The following ANK2 variants were observed in gnomAD, a reference collection of about 807,000 sequenced individuals.
ANK2 encodes the protein ankyrin 2, also known as ankyrin-2.
In ANK2, 83 loss-of-function variants were observed where a neutral mutation model predicts 360.5. The observed-to-expected ratio is 0.23, with a 90% confidence interval of 0.19 to 0.28. The LOEUF (loss-of-function observed/expected upper bound fraction) is 0.28. Among genes scored for constraint, ANK2 ranks in the 10% least tolerant of loss-of-function variants. The probability of loss-of-function intolerance (pLI) is 1.00; values close to 1 mark genes in which losing one functional copy is unlikely to be tolerated. For missense variants in ANK2, 4,201 were observed against 4,795.7 expected, an observed-to-expected ratio of 0.88 and a Z score of 3.66; for synonymous variants, 1,740 against 1,759.5, an observed-to-expected ratio of 0.99 and a Z score of 0.28.
chr4:113,311,671 T>A (rs1340829278), intron 24 of ANK2, among the ~76,000 whole-genome samples: 1 of 152,140 alleles, frequency 6.6e-6, no homozygotes, highest in African/African-American at 2.4e-5. Context: ...TTCTCATCAT[T>A]TAAATGTGGC....
chr4:112,820,239 G>A (rs17045004), intron 1 of ANK2, among the ~76,000 whole-genome samples: 14,811 of 152,248 alleles, frequency 0.097, 1,037 homozygotes, highest in African/African-American at 0.2. Flanking sequence ...TAATGCAGAA[G>A]GGCTATCCAC....
intron 2 of ANK2, among the ~76,000 whole-genome samples, chr4:112,937,607 C>T (rs535078490): frequency 6.6e-6 from 1 of 152,300 alleles, no homozygotes; most frequent in East Asian, 1.9e-4. Flanking sequence ...ATATTACAGG[C>T]GTGAGCCACC....
chr4:112,740,480 G>A, the ANK2 span, among the ~76,000 whole-genome samples: 1 of 152,036 alleles, frequency 6.6e-6, no homozygotes, highest in African/African-American at 2.4e-5. Context: ...CGAGGTGGGT[G>A]AATCATGAGG....
chr4:113,064,706 C>T (rs1241303716), intron 1 of ANK2, among the ~76,000 whole-genome samples: 1 of 151,994 alleles, frequency 6.6e-6, no homozygotes, highest in South Asian at 2.1e-4. Flanking sequence ...CATGAAATGA[C>T]AGTTAATTTT....
At chr4:113,180,435 T>C (rs2098379378) in intron 2 of ANK2, among the ~76,000 whole-genome samples, 1 of 152,216 alleles carries the variant, frequency 6.6e-6, no homozygotes, top group South Asian at 2.1e-4. Flanking sequence ...TAATGTAATT[T>C]TTTTATATTG....
At chr4:112,910,789 AAG>A (rs1487393285) in intron 2 of ANK2, among the ~76,000 whole-genome samples, 1 of 152,222 alleles carries the variant, frequency 6.6e-6, no homozygotes, top group Non-Finnish European at 1.5e-5. Flanking sequence ...GACAACTATT[AAG>A]AGATTTTAGA....
chr4:112,969,631 G>T (rs1223451528), intron 2 of ANK2, among the ~76,000 whole-genome samples: 1 of 152,110 alleles, frequency 6.6e-6, no homozygotes, highest in Non-Finnish European at 1.5e-5. Context: ...ATAGCATGGA[G>T]GAGAAAAACT....
At chr4:113,039,932 G>A (rs556514870) in intron 2 of ANK2, among the ~76,000 whole-genome samples, 6 of 151,914 alleles carry the variant, frequency 3.9e-5, no homozygotes, top group South Asian at 2.1e-4. Context: ...CAATGGGCCC[G>A]GAGTTTTTCT....
At chr4:113,287,528 A>AT (rs2065284697) in intron 18 of ANK2, 77 bp from the exon 19 acceptor site, 1 of 1,139,912 alleles carries the variant, frequency 8.8e-7, no homozygotes, top group Non-Finnish European at 1.3e-6. Context: ...TATTTTCAAT[A>AT]TTTTTTCATA....
At chr4:113,067,899 T>C (rs935570539) in intron 1 of ANK2, among the ~76,000 whole-genome samples, 2 of 152,168 alleles carry the variant, frequency 1.3e-5, no homozygotes, top group Non-Finnish European at 2.9e-5. Context: ...AGTCACATGT[T>C]TCTCTCTGGT....
At chr4:112,862,243 A>G (rs1371340049) in intron 1 of ANK2, among the ~76,000 whole-genome samples, 2 of 152,240 alleles carry the variant, frequency 1.3e-5, no homozygotes, top group Non-Finnish European at 2.9e-5. Flanking sequence ...GAAGAGCTTT[A>G]GTGCAGTAGT....
intron 1 of ANK2, among the ~76,000 whole-genome samples, chr4:113,071,603 C>A (rs1561856493): frequency 6.6e-6 from 1 of 152,164 alleles, no homozygotes. Flanking sequence ...CTACCCTCAA[C>A]CCCAGGAGGA....
At chr4:113,183,535 A>C (rs1227625466) in intron 2 of ANK2, among the ~76,000 whole-genome samples, 3 of 152,192 alleles carry the variant, frequency 2.0e-5, no homozygotes, top group African/African-American at 7.2e-5. Context: ...GATAAAGACT[A>C]TGCATAGGAT....
At chr4:113,265,518 A>G (rs1004607270) in intron 14 of ANK2, among the ~76,000 whole-genome samples, 2 of 152,120 alleles carry the variant, frequency 1.3e-5, no homozygotes, top group Non-Finnish European at 2.9e-5. Context: ...TTACAAATTT[A>G]GACATTCTGT....
chr4:113,278,299 A>G (rs2060993674), intron 16 of ANK2, among the ~76,000 whole-genome samples, 161 bp from the exon 17 acceptor site: 1 of 152,190 alleles, frequency 6.6e-6, no homozygotes, highest in Non-Finnish European at 1.5e-5. Flanking sequence ...TGTTTTTAAT[A>G]TGAAAATTAT....
intron 41 of ANK2, among the ~76,000 whole-genome samples, chr4:113,367,137 A>T (rs562048347): frequency 1.3e-5 from 2 of 152,278 alleles, no homozygotes; most frequent in East Asian, 3.9e-4. Flanking sequence ...CATGGAATAA[A>T]TTTTCAGTAT....
intron 1 of ANK2, among the ~76,000 whole-genome samples, chr4:112,872,989 T>C (rs1480724238): frequency 1.3e-5 from 2 of 152,154 alleles, no homozygotes; most frequent in Non-Finnish European, 2.9e-5. Context: ...ATCTGAGTTA[T>C]CTCATTTGTT....
chr4:112,765,512 TTC>T, the ANK2 span, among the ~76,000 whole-genome samples: 2 of 152,182 alleles, frequency 1.3e-5, no homozygotes, highest in Non-Finnish European at 2.9e-5. Flanking sequence ...GCCTCAAGCA[TTC>T]TGTTTGTTTG....
the ANK2 span, among the ~76,000 whole-genome samples, chr4:112,740,995 A>ATT: frequency 2.1e-5 from 3 of 141,274 alleles, no homozygotes; most frequent in Non-Finnish European, 3.1e-5. Flanking sequence ...TCTCAAAAAA[A>ATT]TTTTTTTTTT....
Sources: allele counts gnomAD v4.1 joint callset (sites outside exome capture counted in the v4.1 genomes callset), GRCh38; gene constraint gnomAD v4.1.1; transcripts MANE v1.5; gene names NCBI Gene and HGNC (gene_info 2026-07-23, HGNC 2026-07-21).